Variants in C9 observed in about 807,000 individuals in gnomAD.
The protein encoded by C9 is complement C9.
In C9, 63 loss-of-function variants were observed where a neutral mutation model predicts 65.4. The observed-to-expected ratio is 0.96, with a 90% CI of 0.79 to 1.19. The LOEUF is 1.19. Ranked by LOEUF, C9 falls within the 50% of genes most tolerant of loss-of-function variation. The pLI is 0.00. For missense variants in C9, 744 were observed against 670.1 expected, an observed-to-expected ratio of 1.11 and a Z score of -1.22; for synonymous variants, 229 against 227.9, an observed-to-expected ratio of 1.00 and a Z score of -0.04.
intron 9 of C9, among the ~76,000 whole-genome samples, chr5:39,298,905 A>G (rs182136658): frequency 1.3e-5 from 2 of 151,974 alleles, no homozygotes; most frequent in East Asian, 1.9e-4. Flanking sequence ...TAAATAATCA[A>G]TATCATTCAC....
At chr5:39,301,562 T>C (rs1013159597) in intron 9 of C9, among the ~76,000 whole-genome samples, 3 of 152,144 alleles carry the variant, frequency 2.0e-5, no homozygotes, top group Non-Finnish European at 4.4e-5. Context: ...CTCTCTACTA[T>C]TTCTGCAATA....
chr5:39,354,666 A>G (rs866407204), intron 1 of C9, among the ~76,000 whole-genome samples: 6 of 152,194 alleles, frequency 3.9e-5, no homozygotes, highest in African/African-American at 1.4e-4. Flanking sequence ...CAAAACAGAA[A>G]TGTCCCCAAG....
intron 1 of C9, among the ~76,000 whole-genome samples, chr5:39,363,386 C>T (rs566751482): frequency 1.3e-4 from 20 of 152,284 alleles, no homozygotes; most frequent in African/African-American, 4.8e-4. Context: ...GGCTGAATGG[C>T]GGCCTCCAAC....
intron 1 of C9, among the ~76,000 whole-genome samples, chr5:39,362,407 A>T (rs115487932): frequency 6.6e-6 from 1 of 152,334 alleles, no homozygotes; most frequent in Non-Finnish European, 1.5e-5. Context: ...AAACCAAAAA[A>T]TAAAATACAA....
chr5:39,325,717 A>C lies in C9; in HGVS notation c.615+5959T>G, dbSNP rs532254944. ...AACCCTGGAGGCAGTGATTGCAGTG[A>C]GCTGAGATTGCGCCACTGCACTCCA... On this transcript the variant is annotated intron_variant, in intron 5 of 10. Coordinates refer to ENST00000263408, the MANE Select transcript of C9 (RefSeq NM_001737.5). 2.0e-5 allele frequency among the ~76,000 whole-genome samples: 3 copies of C among 146,982 alleles called. No individual in the cohort carries two copies. The South Asian group carries it at 6.4e-4, about 32-fold the overall frequency.
chr5:39,310,357 C>G (rs979023119), intron 7 of C9, among the ~76,000 whole-genome samples: 2 of 152,102 alleles, frequency 1.3e-5, no homozygotes, highest in African/African-American at 4.8e-5. Flanking sequence ...TCCATCACCT[C>G]CTTAAGGAAT....
rs778759127 is a variant in C9 at position 39,306,702 on chromosome 5, A to G, written c.1331T>C (p.Leu444Pro). 1.2e-6 allele frequency: 2 copies of G among 1,613,362 alleles called. No homozygotes were observed. The highest frequency in any genetic ancestry group is 2.2e-5 in the South Asian group (2 of 91,072). ...CACATCAATCACGGTTCCTCGGAGA[A>G]GCTTTTCTTTCAGTTCAAATGCATA... ...RKYAFELKEK[L>P]LRGTVIDVTD... Residue 444 changes from leucine to proline, a missense_variant, in exon 9 of 11, where the codon CTT becomes CCT. Coordinates refer to ENST00000263408, the MANE Select transcript of C9 (RefSeq NM_001737.5).
intron 1 of C9, among the ~76,000 whole-genome samples, chr5:39,347,702 T>C (rs1358269813): frequency 1.3e-5 from 2 of 152,050 alleles, no homozygotes; most frequent in Non-Finnish European, 2.9e-5. Flanking sequence ...AAAAGAGCCC[T>C]CATTACCAAG....
chr5:39,335,062 T>C lies in C9; in HGVS notation c.477-3248A>G, dbSNP rs890002946. Reference sequence around the variant, plus strand: ...GGTTTTGACACAAGCTCTCCACCAGTAAGACATAAAATACTGGAAGCAAAT... The same window carrying C: ...GGTTTTGACACAAGCTCTCCACCAGCAAGACATAAAATACTGGAAGCAAAT... On this transcript the variant is annotated intron_variant, in intron 4 of 10. Transcript: ENST00000263408. 3.7e-4 allele frequency among the ~76,000 whole-genome samples: 57 copies of C among 152,226 alleles called. 1 individual carries two copies. Among genetic ancestry groups the C allele is most frequent in the African/African-American group, 1.3e-3 (54 of 41,562 alleles).
At chr5:39,350,651 C>T (rs2111973781) in intron 1 of C9, among the ~76,000 whole-genome samples, 1 of 152,294 alleles carries the variant, frequency 6.6e-6, no homozygotes, top group South Asian at 2.1e-4. Context: ...GTTGGACAGT[C>T]ATTAAATCTT....
intron 1 of C9, among the ~76,000 whole-genome samples, chr5:39,353,083 T>G (rs1279674855): frequency 1.3e-5 from 2 of 152,036 alleles, no homozygotes; most frequent in African/African-American, 2.4e-5. Context: ...ATTCAAAGCA[T>G]GAAAAGGGAT....
Position 39,338,559 on chromosome 5 carries a change from C to T in C9, c.476+2587G>A, listed in dbSNP as rs148933302. ...TTTAAAGTATTATGCAAATGAAAGTCGTCATAGAACAATAGGTTTCATGAA... is the reference window on the plus strand; with the variant it reads ...TTTAAAGTATTATGCAAATGAAAGTTGTCATAGAACAATAGGTTTCATGAA... On this transcript the variant is annotated intron_variant, in intron 4 of 10. Transcript: ENST00000263408. Among the ~76,000 whole-genome samples, 1,194 of 152,236 alleles carry T rather than the reference C, an allele frequency of 7.8e-3. 18 individuals are homozygous for T. The highest frequency in any genetic ancestry group is 0.024 in the African/African-American group (1,015 of 41,522).
chr5:39,364,447 G>A lies in C9; in HGVS notation c.18C>T (p.Ser6=), dbSNP rs1374762204. The A allele has an allele frequency of 2.5e-6, 4 of 1,607,518 alleles. No homozygotes were observed. Among genetic ancestry groups the A allele is most frequent in the South Asian group, 1.1e-5 (1 of 90,902 alleles). The stretch of plus-strand genomic sequence containing the variant: ...CTAAAATGCAGATTGCAACTGCAAA[G>A]CTCCGGCAGGCTGACATGCTGCTCT... MSACR[S]FAVAICILEI... The change falls in exon 1 of 11, where the codon AGC becomes AGT. Residue 6 remains serine, a synonymous_variant. Coordinates refer to ENST00000263408, the MANE Select transcript of C9 (RefSeq NM_001737.5).
chr5:39,288,452 T>C (rs1219120770), intron 10 of C9, among the ~76,000 whole-genome samples: 1 of 151,736 alleles, frequency 6.6e-6, no homozygotes, highest in Non-Finnish European at 1.5e-5. Context: ...TGTATTTCTG[T>C]AAACCTTCTA....
rs868066409 is a variant in C9 at position 39,284,743 on chromosome 5, T to G, written c.*456A>C. The G allele has an allele frequency of 6.3e-6, 1 of 158,776 alleles. No homozygotes were observed. Among genetic ancestry groups the G allele is most frequent in the South Asian group, 1.8e-4 (1 of 5,510 alleles). 9.8% of individuals were successfully genotyped at this position (158,776 alleles called of 1,614,324 possible). A position where few individuals can be genotyped will look rare whatever the true frequency, so the allele number is the denominator to read the frequency against. Reference sequence around the variant, plus strand: ...TGGTGCTCAGCATTTGCTGAATGAATGTATGCACACCTAAGCAAATAACCA... The same window carrying G: ...TGGTGCTCAGCATTTGCTGAATGAAGGTATGCACACCTAAGCAAATAACCA... On this transcript the variant is annotated 3_prime_UTR_variant, in exon 11 of 11. Coordinates refer to ENST00000263408, the MANE Select transcript of C9 (RefSeq NM_001737.5).
In C9 at chr5:39,284,281, T is replaced by A. The variant is rs1248127123; in HGVS notation, c.*918A>T. On this transcript the variant is annotated 3_prime_UTR_variant, in exon 11 of 11. Transcript: ENST00000263408. ...TTCCTCTTTTCTTTCTTTCTTTCCTTTTTTTAAAGAGTTCTCAGACCTTTC... is the reference window on the plus strand; with the variant it reads ...TTCCTCTTTTCTTTCTTTCTTTCCTATTTTTAAAGAGTTCTCAGACCTTTC... 2 of 152,150 alleles carry A rather than the reference T, an allele frequency of 1.3e-5. No homozygotes were observed. Among genetic ancestry groups the A allele is most frequent in the Non-Finnish European group, 2.9e-5 (2 of 68,024 alleles). The allele number at this position is 152,150 out of a possible 1,614,324, so 9.4% of individuals were successfully genotyped here.
intron 1 of C9, among the ~76,000 whole-genome samples, chr5:39,356,401 T>G (rs1291722491): frequency 6.6e-6 from 1 of 152,222 alleles, no homozygotes; most frequent in Non-Finnish European, 1.5e-5. Context: ...CTTCTGCATC[T>G]AATAGCCTCA....
At chr5:39,315,213 G>A (rs77644597) in intron 6 of C9, among the ~76,000 whole-genome samples, 14,365 of 152,112 alleles carry the variant, frequency 0.094, 708 homozygotes, top group Non-Finnish European at 0.11. Context: ...TTTTACTGGC[G>A]TCATGCTGAT....
intron 1 of C9, among the ~76,000 whole-genome samples, chr5:39,357,959 G>A (rs926344480): frequency 1.3e-5 from 2 of 152,100 alleles, no homozygotes; most frequent in Admixed American, 6.5e-5. Flanking sequence ...ACGAGCATGG[G>A]GTGGAGAGAG....
Sources: allele counts gnomAD v4.1 joint callset (sites outside exome capture counted in the v4.1 genomes callset), GRCh38; gene constraint gnomAD v4.1.1; transcripts MANE v1.5; gene names NCBI Gene and HGNC (gene_info 2026-07-23, HGNC 2026-07-21).